Variants in DECR1 observed in about 807,000 individuals in gnomAD.
DECR1 encodes the protein 2,4-dienoyl-CoA reductase [(3E)-enoyl-CoA-producing], mitochondrial.
Under a neutral mutation model 38.8 loss-of-function variants are expected in DECR1, and 44 were observed. The ratio of observed to expected loss-of-function variants is 1.13; its 90% CI spans 0.89 to 1.46. The LOEUF (loss-of-function observed/expected upper bound fraction) is 1.46, where lower values mean the gene tolerates loss of function less well. Among genes scored for constraint, DECR1 ranks in the 40% most tolerant of loss-of-function variants. DECR1 has a pLI of 0.00. For missense variants in DECR1, 428 were observed against 405.5 expected, an observed-to-expected ratio of 1.06 and a Z score of -0.48; for synonymous variants, 148 against 135.2, an observed-to-expected ratio of 1.09 and a Z score of -0.66.
chr8:90,040,102 G>A (rs1005926142), intron 6 of DECR1, among the ~76,000 whole-genome samples: 4 of 152,138 alleles, frequency 2.6e-5, no homozygotes, highest in African/African-American at 9.7e-5. Flanking sequence ...CAGAGAGGAT[G>A]GCTTTTCCTC....
In DECR1 at chr8:90,017,256, G is replaced by A. The variant is rs1451324144; in HGVS notation, c.202G>A (p.Gly68Ser). The change falls in exon 2 of 10, where the codon GGT (glycine) becomes AGT (serine). Residue 68 changes from glycine to serine, a missense_variant. By Grantham distance (56) the Gly-to-Ser change is moderately conservative. Coordinates refer to ENST00000220764, the MANE Select transcript of DECR1 (RefSeq NM_001359.2). ...QGKVAFITGGGTGLGKGMTTL... is the reference protein window; with the variant it reads ...QGKVAFITGGSTGLGKGMTTL... ...AAAAGTGGCATTCATTACTGGGGGA[G>A]GTACTGGCCTTGGTAAAGGAATGAC... 1.9e-6 allele frequency: 3 copies of A among 1,614,082 alleles called. No individual in the cohort carries two copies. In the South Asian group the frequency reaches 3.3e-5, roughly 18 times the overall value.
At chr8:90,019,039 G>T in intron 3 of DECR1, 47 bp from the exon 4 acceptor site, 1 of 1,598,604 alleles carries the variant, frequency 6.3e-7, no homozygotes, top group Non-Finnish European at 8.6e-7. Context: ...TCATGCGTTT[G>T]GTTTAAGAAA....
chr8:90,047,548 C>A (rs1813943445), intron 8 of DECR1, among the ~76,000 whole-genome samples: 1 of 152,122 alleles, frequency 6.6e-6, no homozygotes, highest in Non-Finnish European at 1.5e-5. Flanking sequence ...TCCTTAGAGA[C>A]CTACAAAGAG....
At chr8:90,043,238 A>G (rs1206337960) in intron 7 of DECR1, among the ~76,000 whole-genome samples, 1 of 152,096 alleles carries the variant, frequency 6.6e-6, no homozygotes, top group African/African-American at 2.4e-5. Context: ...TTGTCTTGTT[A>G]TAGGTAGGTA....
intron 8 of DECR1, among the ~76,000 whole-genome samples, chr8:90,047,107 C>CA (rs1045260729): frequency 6.6e-6 from 1 of 151,964 alleles, no homozygotes; most frequent in African/African-American, 2.4e-5. Context: ...ATCAATGCTA[C>CA]AAAAAAACTG....
chr8:90,047,099 C>CA (rs1813928623), intron 8 of DECR1, among the ~76,000 whole-genome samples: 1 of 152,120 alleles, frequency 6.6e-6, no homozygotes, highest in Non-Finnish European at 1.5e-5. Flanking sequence ...TAGAGACCAT[C>CA]AATGCTACAA....
intron 5 of DECR1, among the ~76,000 whole-genome samples, chr8:90,022,511 G>A (rs1296425957): frequency 2.0e-5 from 3 of 151,136 alleles, no homozygotes; most frequent in Non-Finnish European, 4.4e-5. Flanking sequence ...TTTTTTTTCA[G>A]TGAGGGGCAG....
rs746411583 is a variant in DECR1, at chr8:90,019,187, G to A, written c.417+15G>A. ...GACATCCTAATGTAAGTGTAGCAAT[G>A]ATGAAGCCAAAGTGCAAGACACTTG... On this transcript the variant is annotated intron_variant, in intron 4 of 9. Coordinates refer to ENST00000220764, the MANE Select transcript of DECR1 (RefSeq NM_001359.2). The A allele has an allele frequency of 1.2e-6, 2 of 1,607,314 alleles. No individual in the cohort carries two copies. The highest frequency in any genetic ancestry group is 2.2e-5 in the South Asian group (2 of 90,860).
chr8:90,003,407 G>A (rs1812664498), intron 1 of DECR1, among the ~76,000 whole-genome samples: 1 of 152,162 alleles, frequency 6.6e-6, no homozygotes, highest in Non-Finnish European at 1.5e-5. Context: ...CTGGCTTTAT[G>A]TCTGGCCCTG....
intron 5 of DECR1, among the ~76,000 whole-genome samples, chr8:90,023,339 T>C (rs902997125): frequency 4.6e-5 from 7 of 152,338 alleles, no homozygotes; most frequent in Middle Eastern, 3.4e-3. Flanking sequence ...GTTTTGTGTA[T>C]TGATGTATTC....
At chr8:90,031,552 G>A (rs771423810) in intron 5 of DECR1, among the ~76,000 whole-genome samples, 1 of 152,000 alleles carries the variant, frequency 6.6e-6, no homozygotes, top group Non-Finnish European at 1.5e-5. Flanking sequence ...TTTATGTAGG[G>A]TTATTCTAGT....
At chr8:90,003,763 A>C (rs1812674929) in intron 1 of DECR1, among the ~76,000 whole-genome samples, 1 of 152,122 alleles carries the variant, frequency 6.6e-6, no homozygotes, top group Non-Finnish European at 1.5e-5. Context: ...AACATGGTGA[A>C]ACCCTGTCTC....
chr8:90,014,145 G>A (rs1812952303), intron 1 of DECR1, among the ~76,000 whole-genome samples: 2 of 152,086 alleles, frequency 1.3e-5, no homozygotes, highest in Non-Finnish European at 2.9e-5. Flanking sequence ...TACGAAAGGT[G>A]TTATTTATAT....
chr8:90,015,630 A>G (rs1490788869), intron 1 of DECR1: 1 of 456,750 alleles, frequency 2.2e-6, no homozygotes, highest in Middle Eastern at 3.3e-4. Context: ...AACTGATGAC[A>G]GCCTATTTAG....
chr8:90,025,497 G>A (rs918196558), intron 5 of DECR1, among the ~76,000 whole-genome samples: 10 of 152,188 alleles, frequency 6.6e-5, no homozygotes, highest in African/African-American at 2.4e-4. Context: ...GTGAATGGGA[G>A]TTCACTCATG....
intron 1 of DECR1, among the ~76,000 whole-genome samples, chr8:90,016,084 C>G (rs1586141227): frequency 6.6e-6 from 1 of 152,088 alleles, no homozygotes; most frequent in African/African-American, 2.4e-5. Context: ...AATGTGAGTA[C>G]AAGCTGTTAA....
At chr8:90,027,884 A>G (rs1484298213) in intron 5 of DECR1, among the ~76,000 whole-genome samples, 1 of 152,034 alleles carries the variant, frequency 6.6e-6, no homozygotes. Context: ...ACATTAATTA[A>G]TTTTTGAATA....
At chr8:90,015,411 C>T (rs755762325) in intron 1 of DECR1, 20 of 302,440 alleles carry the variant, frequency 6.6e-5, no homozygotes, top group Non-Finnish European at 9.9e-5. Context: ...CTACTACTTA[C>T]TGTTGTTATT....
At chr8:90,040,230 C>G (rs911014761) in intron 6 of DECR1, among the ~76,000 whole-genome samples, 3 of 152,048 alleles carry the variant, frequency 2.0e-5, no homozygotes, top group African/African-American at 7.2e-5. Flanking sequence ...TAAATAAATG[C>G]CCAGGGTAGC....
Sources: allele counts gnomAD v4.1 joint callset (sites outside exome capture counted in the v4.1 genomes callset), GRCh38; gene constraint gnomAD v4.1.1; transcripts MANE v1.5; gene names NCBI Gene and HGNC (gene_info 2026-07-23, HGNC 2026-07-21).